The following ATP2C1 variants were observed in gnomAD, a reference collection of about 807,000 sequenced individuals.
ATP2C1 encodes the protein ATPase secretory pathway Ca2+ transporting 1, also known as calcium-transporting ATPase type 2C member 1.
In ATP2C1, 31 loss-of-function variants were observed where a neutral mutation model predicts 120.5. That is an observed-to-expected ratio of 0.26 (90% CI 0.19 to 0.35). The LOEUF (loss-of-function observed/expected upper bound fraction) is 0.35, where lower values mean the gene tolerates loss of function less well. ATP2C1 is among the 10% of genes least tolerant of loss of function. ATP2C1 has a pLI of 1.00. For synonymous variants in ATP2C1, 351 were observed against 358.7 expected, an observed-to-expected ratio of 0.98 and a Z score of 0.24; for missense variants, 731 against 1,107.5, an observed-to-expected ratio of 0.66 and a Z score of 4.83.
In ATP2C1 at chr3:130,894,884, A is replaced by G; in HGVS notation, c.6+109A>G. 8.5e-7 allele frequency: 1 copy of G among 1,170,210 alleles called. No homozygotes were observed. The highest frequency in any genetic ancestry group is 1.3e-6 in the Non-Finnish European group (1 of 775,548). 72.5% of individuals were successfully genotyped at this position (1,170,210 alleles called of 1,614,324 possible). A position where few individuals can be genotyped will look rare whatever the true frequency, so the allele number is the denominator to read the frequency against. On this transcript the variant is annotated intron_variant, in intron 2 of 27. Transcript: ENST00000510168. This position sits in a 1 kb window ranked among gnomAD's most constrained non-coding sequence, Gnocchi z 4.5. Reference sequence around the variant, plus strand: ...TTTATTTTCGTGAGCTTATTTATTTACTGTGTATGTGAAGTGTCCAAGGAT... The same window carrying G: ...TTTATTTTCGTGAGCTTATTTATTTGCTGTGTATGTGAAGTGTCCAAGGAT...
At chr3:130,859,867 G>C (rs1193405561) in intron 1 of ATP2C1, among the ~76,000 whole-genome samples, 1 of 152,170 alleles carries the variant, frequency 6.6e-6, no homozygotes, top group Non-Finnish European at 1.5e-5. Flanking sequence ...ATAAGAAATT[G>C]AATTAGAAAT....
chr3:130,931,702 T>G (rs75168134), intron 3 of ATP2C1, among the ~76,000 whole-genome samples: 2,244 of 152,226 alleles, frequency 0.015, 27 homozygotes, highest in Non-Finnish European at 0.023. Context: ...TCAATTTTGT[T>G]GAGATATAAT....
chr3:130,941,907 C>G (rs1222432768), intron 8 of ATP2C1, among the ~76,000 whole-genome samples: 4 of 151,930 alleles, frequency 2.6e-5, no homozygotes, highest in Non-Finnish European at 4.4e-5. Flanking sequence ...AGTGAATCAG[C>G]AGATCTTTAT....
chr3:130,872,485 GATT>G (rs1224447914), intron 1 of ATP2C1, among the ~76,000 whole-genome samples: 1 of 151,746 alleles, frequency 6.6e-6, no homozygotes, highest in Non-Finnish European at 1.5e-5. Context: ...GCCTATCTGT[GATT>G]ATTATTCATG....
chr3:130,970,511 G>A (rs890438524), intron 17 of ATP2C1, among the ~76,000 whole-genome samples: 1 of 151,864 alleles, frequency 6.6e-6, no homozygotes. Context: ...TCCCACTTCA[G>A]CTTCCCAAGT....
chr3:130,850,772 T>C (rs1478420658), exon 1 of ATP2C1: 2 of 879,546 alleles, frequency 2.3e-6, no homozygotes, highest in Non-Finnish European at 3.2e-6. Context: ...TAATTTCATA[T>C]GGTTGCTGAC....
At position 131,002,473 on chromosome 3, in the gene ATP2C1, C is replaced by T; in HGVS notation, c.*1123C>T. 1.0e-6 allele frequency: 1 copy of T among 985,388 alleles called. No homozygotes were observed. The highest frequency in any genetic ancestry group is 1.2e-6 in the Non-Finnish European group (1 of 829,918). 61.0% of individuals were successfully genotyped at this position (985,388 alleles called of 1,614,324 possible). On this transcript the variant is annotated 3_prime_UTR_variant, in exon 28 of 28. Transcript: ENST00000510168. ...CACAAACCTGAGTATATCTCTTCTA[C>T]TTTCATCATGTGTTCTGTACCTTCT...
At chr3:130,885,978 C>A (rs1037249898) in intron 1 of ATP2C1, among the ~76,000 whole-genome samples, 3 of 152,138 alleles carry the variant, frequency 2.0e-5, no homozygotes, top group Non-Finnish European at 4.4e-5. Context: ...ACATCTTTGT[C>A]TTTCAGGTTG....
chr3:130,886,559 A>G (rs1422704242), intron 1 of ATP2C1, among the ~76,000 whole-genome samples: 4 of 152,108 alleles, frequency 2.6e-5, no homozygotes, highest in African/African-American at 7.2e-5. Flanking sequence ...TTCTCTGACC[A>G]TGTATTTTCA....
In ATP2C1 at chr3:131,012,260, CTTTT is replaced by C. The variant is rs71620100; in HGVS notation, c.2630-3878_2630-3875del. Among the ~76,000 whole-genome samples the C allele has an allele frequency of 1.2e-3, 154 of 127,202 alleles. 2 individuals are homozygous for C. The highest frequency in any genetic ancestry group is 4.1e-3 in the African/African-American group (139 of 33,852). 83.4% of individuals were successfully genotyped at this position (127,202 alleles called of 152,430 possible). On this transcript the variant is annotated intron_variant, in intron 26 of 26. Transcript: ENST00000328560. Reference sequence around the variant, plus strand: ...CGGTCTTACATGGTTTTTCTTTTTTCTTTTTTTTTTTTTTTTTGAGACAGTCTTG... The same window carrying C: ...CGGTCTTACATGGTTTTTCTTTTTTCTTTTTTTTTTTTTGAGACAGTCTTG...
rs758452342 is a variant in ATP2C1 at position 130,969,317 on chromosome 3, A to G, written c.1334A>G (p.Asp445Gly). ...ATGGGTCTTGATGGACTTCAACAAG[A>G]CTACATCAGAAAAGCTGAATACCCT... is the stretch of plus-strand genomic sequence containing the variant. ...MKMGLDGLQQDYIRKAEYPFS... is the reference protein window; with the variant it reads ...MKMGLDGLQQGYIRKAEYPFS... The change falls in exon 17 of 28, where the codon GAC becomes GGC. Residue 445 changes from aspartate to glycine, a missense_variant. By Grantham distance (94) the Asp-to-Gly change is moderately conservative. Around this residue, in one of 3 missense-constraint regions of ATP2C1, gnomAD observed 571 missense variants for 845.9 expected, o/e 0.67. Transcript: ENST00000510168. The G allele has an allele frequency of 6.2e-7, 1 of 1,613,830 alleles. No homozygotes were observed. The highest frequency in any genetic ancestry group is 8.5e-7 in the Non-Finnish European group (1 of 1,179,776).
At chr3:130,986,798 C>T (rs766913888) in intron 20 of ATP2C1, among the ~76,000 whole-genome samples, 1 of 151,682 alleles carries the variant, frequency 6.6e-6, no homozygotes, top group Non-Finnish European at 1.5e-5. Flanking sequence ...GTCTTTTTCC[C>T]TACTTCATTT....
At position 130,979,438 on chromosome 3, in the gene ATP2C1, CTTTT is replaced by C. The variant is rs757280447; in HGVS notation, c.1741+20_1741+23del. ...GCAATCGGTATAACTAGACTGCTTT[CTTTT>C]GTTTTCGATAGTTTTTCTTAAAATA... is the stretch of plus-strand genomic sequence containing the variant. On this transcript the variant is annotated intron_variant, in intron 19 of 27. Coordinates refer to ENST00000510168, the MANE Select transcript of ATP2C1 (RefSeq NM_001378687.1). The C allele has an allele frequency of 8.7e-6, 14 of 1,611,720 alleles. No homozygotes were observed. Among genetic ancestry groups the C allele is most frequent in the Non-Finnish European group, 1.7e-6 (2 of 1,178,504 alleles).
At chr3:130,951,401 G>A (rs942591172) in intron 8 of ATP2C1, among the ~76,000 whole-genome samples, 2 of 152,116 alleles carry the variant, frequency 1.3e-5, no homozygotes, top group South Asian at 4.1e-4. Context: ...TTGCCTCATA[G>A]GAGTTGTTAG....
intron 11 of ATP2C1, among the ~76,000 whole-genome samples, chr3:130,957,614 C>T (rs570051587): frequency 1.3e-5 from 2 of 151,988 alleles, no homozygotes; most frequent in African/African-American, 4.8e-5. Context: ...TGGCGCAATC[C>T]CGGCTGACTG....
chr3:130,967,366 A>C lies in ATP2C1; in HGVS notation c.1255A>C (p.Asn419His), dbSNP rs2061093148. 1 of 1,613,762 alleles carries C rather than the reference A, an allele frequency of 6.2e-7. No individual in the cohort carries two copies. The highest frequency in any genetic ancestry group is 2.2e-5 in the East Asian group (1 of 44,836). The change falls in exon 16 of 28, where the codon AAT becomes CAT. Residue 419 changes from asparagine to histidine, a missense_variant. Physicochemically the swap from Asn to His is moderately conservative, Grantham distance 68. Around this residue, in one of 3 missense-constraint regions of ATP2C1, gnomAD observed 571 missense variants for 845.9 expected, o/e 0.67. Transcript: ENST00000510168. ...CVCNDAVIRN[N>H]TLMGKPTEGA... ...GTGCAATGATGCTGTAATTAGAAAC[A>C]ATACTCTAATGGGGAAGCCAACAGA...
chr3:130,866,536 A>G (rs2068182764), intron 1 of ATP2C1, among the ~76,000 whole-genome samples: 1 of 152,226 alleles, frequency 6.6e-6, no homozygotes, highest in Admixed American at 6.5e-5. Context: ...CTGGAATAAG[A>G]AAACAAAAAC....
chr3:130,937,367 TAC>T, intron 5 of ATP2C1, 59 bp from the exon 6 acceptor site: 1 of 1,395,712 alleles, frequency 7.2e-7, no homozygotes, highest in Non-Finnish European at 1.0e-6. Flanking sequence ...AAAAATAAAA[TAC>T]AGTTAACAGT....
At chr3:131,009,589 C>T (rs968332607) in intron 26 of ATP2C1, among the ~76,000 whole-genome samples, 1 of 152,152 alleles carries the variant, frequency 6.6e-6, no homozygotes, top group Admixed American at 6.5e-5. Context: ...CTGGTGCAGT[C>T]ACGCCTTTTA....
Sources: gnomAD v4.1 joint callset for allele counts (sites outside exome capture counted in the v4.1 genomes callset) on GRCh38, gnomAD v4.1.1 for gene constraint, gnomAD v4.1.1 regional missense constraint, Gnocchi (gnomAD v3.1) non-coding constraint, MANE v1.5 for transcripts, NCBI Gene and HGNC (gene_info 2026-07-23, HGNC 2026-07-21) for gene names.